STXBP4: variants seen among roughly 807,000 people sequenced by gnomAD.
The protein encoded by STXBP4 is syntaxin-binding protein 4.
A neutral mutation model predicts 76.1 loss-of-function variants in STXBP4; 55 were observed. That is an observed-to-expected ratio of 0.72 (90% CI 0.58 to 0.91). The LOEUF (loss-of-function observed/expected upper bound fraction) is 0.91. STXBP4 is among the 40% of genes least tolerant of loss of function. STXBP4 has a pLI of 0.00. For missense variants in STXBP4, 618 were observed against 636.9 expected, an observed-to-expected ratio of 0.97 and a Z score of 0.32; for synonymous variants, 201 against 220.2, an observed-to-expected ratio of 0.91 and a Z score of 0.77.
At chr17:54,989,619 A>G (rs1024996879) in intron 3 of STXBP4, among the ~76,000 whole-genome samples, 8 of 152,334 alleles carry the variant, frequency 5.3e-5, no homozygotes, top group African/African-American at 1.9e-4. Flanking sequence ...AGGATTTTAT[A>G]AATATTAAAT....
chr17:55,036,099 CT>C (rs2078597226), intron 10 of STXBP4, among the ~76,000 whole-genome samples: 1 of 151,978 alleles, frequency 6.6e-6, no homozygotes, highest in Middle Eastern at 3.4e-3. Flanking sequence ...TACAATATAT[CT>C]CTTGAACTTT....
At chr17:55,030,947 C>T (rs2078496517) in intron 8 of STXBP4, 1 of 413,382 alleles carries the variant, frequency 2.4e-6, no homozygotes, top group African/African-American at 2.0e-5. Context: ...TTGGTATTAG[C>T]TAAAGTGCTA....
At chr17:55,201,323 G>A in the STXBP4 span, among the ~76,000 whole-genome samples, 2 of 150,282 alleles carry the variant, frequency 1.3e-5, no homozygotes, top group Admixed American at 6.8e-5. Flanking sequence ...AAATTATTTT[G>A]TTATTGTGAG....
chr17:55,020,234 A>C (rs2078285004), intron 8 of STXBP4, among the ~76,000 whole-genome samples: 1 of 152,032 alleles, frequency 6.6e-6, no homozygotes, highest in African/African-American at 2.4e-5. Context: ...CTGCATTTTC[A>C]ACTCTTTCTT....
Position 55,160,131 on chromosome 17 carries a change from A to G in STXBP4, c.*220A>G. 1 of 348,206 alleles carries G rather than the reference A, an allele frequency of 2.9e-6. No homozygotes were observed. Among genetic ancestry groups the G allele is most frequent in the Non-Finnish European group, 5.1e-6 (1 of 194,280 alleles). The allele number at this position is 348,206 out of a possible 1,614,324, so 21.6% of individuals were successfully genotyped here. On this transcript the variant is annotated 3_prime_UTR_variant, in exon 18 of 18. Coordinates refer to ENST00000376352, the MANE Select transcript of STXBP4 (RefSeq NM_178509.6). ...TACAGTAGTTCCTTAAGAATAATCT[A>G]GTTATATTTTTTGAAATCACATATA... is the stretch of plus-strand genomic sequence containing the variant.
chr17:55,098,715 C>T (rs2079526946), intron 16 of STXBP4, among the ~76,000 whole-genome samples: 1 of 152,166 alleles, frequency 6.6e-6, no homozygotes, highest in Non-Finnish European at 1.5e-5. Flanking sequence ...TCAGAAAGGC[C>T]TTACCTAATC....
chr17:55,158,362 G>A (rs1598357505), intron 17 of STXBP4, among the ~76,000 whole-genome samples: 1 of 152,220 alleles, frequency 6.6e-6, no homozygotes, highest in South Asian at 2.1e-4. Context: ...AGATGCACTT[G>A]ATCTAAGACA....
chr17:55,097,283 C>T (rs1426478174), intron 16 of STXBP4, among the ~76,000 whole-genome samples: 1 of 152,204 alleles, frequency 6.6e-6, no homozygotes, highest in Non-Finnish European at 1.5e-5. Flanking sequence ...TATTCAACCT[C>T]ACTTTTGCCC....
rs1228997063 is a variant in STXBP4, at chr17:55,151,014, ATATGT to A, written c.1548-8776_1548-8772del. Among the ~76,000 whole-genome samples, 3 of 152,296 alleles carry A rather than the reference ATATGT, an allele frequency of 2.0e-5. No individual in the cohort carries two copies. The East Asian group carries it at 5.8e-4, about 29-fold the overall frequency. ...TATGACAGTGGAAGCAGAATTTAGG[ATATGT>A]TATGTTGCTGGCTTTGAATTTGGGA... On this transcript the variant is annotated intron_variant, in intron 17 of 17. Coordinates refer to ENST00000376352, the MANE Select transcript of STXBP4 (RefSeq NM_178509.6).
chr17:55,143,283 G>A (rs527862939), intron 17 of STXBP4, among the ~76,000 whole-genome samples: 1 of 152,300 alleles, frequency 6.6e-6, no homozygotes, highest in East Asian at 1.9e-4. Context: ...AGAAATGCAT[G>A]ATTAAAAGAA....
the STXBP4 span, among the ~76,000 whole-genome samples, chr17:55,199,278 CAG>C: frequency 8.5e-5 from 13 of 152,162 alleles, no homozygotes; most frequent in East Asian, 2.5e-3. Context: ...CACAACAGAA[CAG>C]AGTTTTATTC....
chr17:55,030,454 A>T (rs1425235999), intron 8 of STXBP4, among the ~76,000 whole-genome samples: 1 of 152,150 alleles, frequency 6.6e-6, no homozygotes, highest in Non-Finnish European at 1.5e-5. Context: ...GTACCTAGTT[A>T]GTTACATGGC....
intron 11 of STXBP4, 112 bp from the exon 12 acceptor site, chr17:55,046,977 A>G: frequency 5.2e-6 from 3 of 581,902 alleles, no homozygotes; most frequent in African/African-American, 3.8e-5. Context: ...CAATATTTTC[A>G]GATTGTAGCA....
At chr17:55,064,777 TA>T (rs1340557548) in intron 12 of STXBP4, among the ~76,000 whole-genome samples, 1 of 152,196 alleles carries the variant, frequency 6.6e-6, no homozygotes, top group Non-Finnish European at 1.5e-5. Context: ...GTGCCGGGAT[TA>T]CAGTCTAATT....
chr17:55,132,289 C>T (rs1215080515), intron 16 of STXBP4, among the ~76,000 whole-genome samples: 1 of 152,166 alleles, frequency 6.6e-6, no homozygotes, highest in Admixed American at 6.5e-5. Context: ...CCTCGGGGTT[C>T]AAGCAGTTCT....
At chr17:55,088,222 C>CA (rs2079363813) in intron 16 of STXBP4, among the ~76,000 whole-genome samples, 1 of 152,142 alleles carries the variant, frequency 6.6e-6, no homozygotes, top group African/African-American at 2.4e-5. Flanking sequence ...GCCACAACCC[C>CA]TCCCTCATTT....
At position 55,163,459 on chromosome 17, in the gene STXBP4, G is replaced by C. The variant is rs2080354866; in HGVS notation, c.*3548G>C. The stretch of plus-strand genomic sequence containing the variant: ...TCAAATGAGCTAACTTGGGTGAGAC[G>C]TTCACTAAAGTACCAAGCACAATAC... On this transcript the variant is annotated 3_prime_UTR_variant, in exon 18 of 18. Coordinates refer to ENST00000376352, the MANE Select transcript of STXBP4 (RefSeq NM_178509.6). The C allele has an allele frequency of 6.6e-6, 1 of 152,100 alleles. No individual in the cohort carries two copies. Among genetic ancestry groups the C allele is most frequent in the Non-Finnish European group, 1.5e-5 (1 of 68,022 alleles). 9.4% of individuals were successfully genotyped at this position (152,100 alleles called of 1,614,324 possible). A position where few individuals can be genotyped will look rare whatever the true frequency, so the allele number is the denominator to read the frequency against.
In STXBP4 at chr17:55,099,893, G is replaced by A. The variant is rs147335714; in HGVS notation, c.1489+18710G>A. ...ACTTTCTGATTAAAATATTTCTGTC[G>A]AAGATTATACCTTTTTTTCAGAGCA... On this transcript the variant is annotated intron_variant, in intron 16 of 17. Transcript: ENST00000376352. Among the ~76,000 whole-genome samples the A allele has an allele frequency of 5.3e-5, 8 of 152,226 alleles. No homozygotes were observed. The East Asian group carries it at 9.6e-4, about 18-fold the overall frequency.
chr17:55,138,455 C>A (rs932397517), intron 16 of STXBP4, among the ~76,000 whole-genome samples: 1 of 152,048 alleles, frequency 6.6e-6, no homozygotes, highest in African/African-American at 2.4e-5. Context: ...GTGTTTAAGA[C>A]TCTTACTTTG....
Sources: allele counts gnomAD v4.1 joint callset (sites outside exome capture counted in the v4.1 genomes callset), GRCh38; gene constraint gnomAD v4.1.1; transcripts MANE v1.5; gene names NCBI Gene and HGNC (gene_info 2026-07-23, HGNC 2026-07-21).